Variants in PRMT3 observed in about 807,000 individuals in gnomAD.
The protein encoded by PRMT3 is protein arginine N-methyltransferase 3.
PRMT3 carries 62 observed loss-of-function variants against 71.9 expected under a neutral mutation model. That is an observed-to-expected ratio of 0.86 (90% confidence interval 0.70 to 1.07). PRMT3 has a LOEUF of 1.07. PRMT3 is among the 50% of genes least tolerant of loss of function. The probability of loss-of-function intolerance (pLI) is 0.00; values close to 1 mark genes in which losing one functional copy is unlikely to be tolerated. For synonymous variants in PRMT3, 213 were observed against 220.4 expected (o/e 0.97, Z 0.30); for missense variants, 663 against 643.0 (o/e 1.03, Z -0.34).
intron 10 of PRMT3, among the ~76,000 whole-genome samples, chr11:20,441,794 T>C (rs1453653413): frequency 6.6e-6 from 1 of 150,492 alleles, no homozygotes; most frequent in Non-Finnish European, 1.5e-5. Flanking sequence ...TCAGGTTTTT[T>C]TTTTTTTTTT....
chr11:20,452,081 G>C, intron 10 of PRMT3, 49 bp from the exon 11 acceptor site: 2 of 1,337,528 alleles, frequency 1.5e-6, no homozygotes, highest in Admixed American at 1.8e-5. Flanking sequence ...ACCTGCTTAT[G>C]AGAGTATTGC....
At chr11:20,452,496 C>T (rs1850172736) in intron 11 of PRMT3, among the ~76,000 whole-genome samples, 2 of 152,068 alleles carry the variant, frequency 1.3e-5, no homozygotes, top group Non-Finnish European at 2.9e-5. Flanking sequence ...GATATTCAAA[C>T]TCAAATCTAA....
intron 9 of PRMT3, among the ~76,000 whole-genome samples, chr11:20,417,638 G>A (rs960494238): frequency 2.0e-5 from 3 of 152,064 alleles, no homozygotes; most frequent in African/African-American, 4.8e-5. Context: ...TTATCTTTAA[G>A]TAAAATATAG....
intron 9 of PRMT3, among the ~76,000 whole-genome samples, chr11:20,409,005 G>A (rs892230555): frequency 3.8e-4 from 58 of 152,142 alleles, no homozygotes; most frequent in Admixed American, 1.3e-4. Flanking sequence ...ACTGAGGCAG[G>A]AGGATTGATA....
chr11:20,400,392 T>C (rs1338536774), intron 7 of PRMT3, among the ~76,000 whole-genome samples: 1 of 152,160 alleles, frequency 6.6e-6, no homozygotes, highest in Non-Finnish European at 1.5e-5. Flanking sequence ...AGAGATATGA[T>C]TGATAGAGGG....
intron 13 of PRMT3, among the ~76,000 whole-genome samples, chr11:20,465,793 C>T (rs1205153895): frequency 6.6e-6 from 1 of 151,914 alleles, no homozygotes; most frequent in Non-Finnish European, 1.5e-5. Context: ...ATTCATTTCC[C>T]ATGTATTTTC....
Position 20,440,405 on chromosome 11 carries a change from G to A in PRMT3, c.994-11725G>A, listed in dbSNP as rs559626240. Among the ~76,000 whole-genome samples the A allele has an allele frequency of 2.8e-4, 43 of 151,454 alleles. No individual in the cohort carries two copies. The South Asian group carries it at 8.1e-3, about 29-fold the overall frequency. On this transcript the variant is annotated intron_variant, in intron 10 of 15. Transcript: ENST00000331079. ...TCACGCCTGTAATCCCAGCACTTTG[G>A]GAGGCCAAGGCGGGCGAATCACGAG...
chr11:20,473,247 T>C (rs1850695210), intron 13 of PRMT3, among the ~76,000 whole-genome samples: 2 of 152,150 alleles, frequency 1.3e-5, no homozygotes, highest in Admixed American at 1.3e-4. Context: ...TGCTCTAATC[T>C]CGGTTATTTC....
intron 6 of PRMT3, among the ~76,000 whole-genome samples, chr11:20,396,715 T>G (rs1848834549): frequency 6.6e-6 from 1 of 152,076 alleles, no homozygotes; most frequent in African/African-American, 2.4e-5. Flanking sequence ...CAGTGACAGT[T>G]TTTTCCAGTG....
intron 10 of PRMT3, among the ~76,000 whole-genome samples, chr11:20,429,986 A>C (rs569425304): frequency 6.6e-6 from 1 of 152,204 alleles, no homozygotes; most frequent in South Asian, 2.1e-4. Flanking sequence ...CATCAATTAC[A>C]TAATTAAACA....
At chr11:20,390,622 A>G (rs1259520360) in intron 3 of PRMT3, among the ~76,000 whole-genome samples, 1 of 152,258 alleles carries the variant, frequency 6.6e-6, no homozygotes, top group Non-Finnish European at 1.5e-5. Context: ...TTATTTAAAC[A>G]CACTTGCCTT....
intron 15 of PRMT3, among the ~76,000 whole-genome samples, chr11:20,496,885 A>G (rs1181218408): frequency 6.6e-6 from 1 of 152,308 alleles, no homozygotes; most frequent in Non-Finnish European, 1.5e-5. Flanking sequence ...GTTGCAAGTG[A>G]TATGGAAATA....
chr11:20,463,340 C>T (rs12363676), intron 12 of PRMT3, among the ~76,000 whole-genome samples: 3,581 of 152,296 alleles, frequency 0.024, 64 homozygotes, highest in Non-Finnish European at 0.034. Flanking sequence ...GGTTATACGA[C>T]TTCAGTGCTC....
chr11:20,425,901 A>G (rs1338122096), intron 9 of PRMT3, among the ~76,000 whole-genome samples: 1 of 152,214 alleles, frequency 6.6e-6, no homozygotes, highest in Non-Finnish European at 1.5e-5. Context: ...TACCCAATGA[A>G]GTTAAGGGGT....
At chr11:20,464,430 GCT>G in intron 12 of PRMT3, 28 bp from the exon 13 acceptor site, 1 of 1,499,454 alleles carries the variant, frequency 6.7e-7, no homozygotes, top group Non-Finnish European at 8.9e-7. Context: ...TTTTTACTAA[GCT>G]CTTTCTTCAC....
At chr11:20,482,925 G>C (rs1253018663) in intron 13 of PRMT3, among the ~76,000 whole-genome samples, 5 of 151,978 alleles carry the variant, frequency 3.3e-5, no homozygotes, top group Non-Finnish European at 5.9e-5. Context: ...ATATTTGCCA[G>C]ATTTTTAGTT....
chr11:20,389,376 T>C (rs536354098), intron 2 of PRMT3, among the ~76,000 whole-genome samples: 2 of 152,290 alleles, frequency 1.3e-5, no homozygotes, highest in Admixed American at 1.3e-4. Context: ...GAAAGCAGAG[T>C]TGACACTTAG....
intron 13 of PRMT3, among the ~76,000 whole-genome samples, chr11:20,475,954 G>A (rs1850772388): frequency 1.3e-5 from 2 of 151,850 alleles, no homozygotes; most frequent in African/African-American, 4.8e-5. Flanking sequence ...GGGATTACAG[G>A]CATGAGCCAC....
intron 2 of PRMT3, 100 bp downstream of exon 2, chr11:20,388,254 CCTGT>C: frequency 6.5e-7 from 1 of 1,532,138 alleles, no homozygotes; most frequent in East Asian, 2.3e-5. Flanking sequence ...GCCAGAGTGG[CCTGT>C]CTTTGAATTC....
Sources: allele counts gnomAD v4.1 joint callset (sites outside exome capture counted in the v4.1 genomes callset), GRCh38; gene constraint gnomAD v4.1.1; transcripts MANE v1.5; gene names NCBI Gene and HGNC (gene_info 2026-07-23, HGNC 2026-07-21).